IL2RB: variants seen among roughly 807,000 people sequenced by gnomAD.
IL2RB encodes interleukin-2 receptor subunit beta.
IL2RB carries 17 observed loss-of-function variants against 44.2 expected under a neutral mutation model. The observed-to-expected ratio is 0.38, with a 90% confidence interval of 0.26 to 0.58. The LOEUF (loss-of-function observed/expected upper bound fraction) is 0.58. Among genes scored for constraint, IL2RB ranks in the 20% least tolerant of loss-of-function variants. The pLI is 0.63. For synonymous variants in IL2RB, 286 were observed against 297.9 expected, an observed-to-expected ratio of 0.96 and a Z score of 0.41; for missense variants, 624 against 685.5, an observed-to-expected ratio of 0.91 and a Z score of 1.00.
At chr22:37,160,825 C>G (rs1331535989) in intron 1 of IL2RB, among the ~76,000 whole-genome samples, 1 of 151,622 alleles carries the variant, frequency 6.6e-6, no homozygotes, top group Non-Finnish European at 1.5e-5. Context: ...GACTGGGTGA[C>G]AGAGCGAGAC....
intron 9 of IL2RB, among the ~76,000 whole-genome samples, chr22:37,131,769 C>T (rs60646954): frequency 0.05 from 7,515 of 151,316 alleles, 622 homozygotes; most frequent in African/African-American, 0.17. Context: ...TGGAGTCTCA[C>T]TCTGTCGCCC....
At chr22:37,173,519 TCTACCTTA>T (rs2145745774) in intron 1 of IL2RB, among the ~76,000 whole-genome samples, 1 of 152,336 alleles carries the variant, frequency 6.6e-6, no homozygotes, top group Admixed American at 6.5e-5. Flanking sequence ...TAAGAAAGTG[TCTACCTTA>T]AAATAATTTT....
Position 37,128,544 on chromosome 22 carries a change from G to A in IL2RB, c.1208C>T (p.Ser403Phe). 2 of 1,613,664 alleles carry A rather than the reference G, an allele frequency of 1.2e-6. No individual in the cohort carries two copies. The highest frequency in any genetic ancestry group is 1.7e-6 in the Non-Finnish European group (2 of 1,179,688). The change falls in exon 10 of 10, where the codon TCT becomes TTT. Residue 403 changes from serine to phenylalanine, a missense_variant. By Grantham distance (155) the Ser-to-Phe change is radical. Around this residue, in one of 3 missense-constraint regions of IL2RB, gnomAD observed 291 missense variants for 275.5 expected, o/e 1.06. Transcript: ENST00000216223. This position sits in a 1 kb window ranked among gnomAD's most constrained non-coding sequence, Gnocchi z 4.5. Reference protein sequence around the residue: ...DEGVAGAPTGSSPQPLQPLSG... With the variant: ...DEGVAGAPTGFSPQPLQPLSG... Reference sequence around the variant, plus strand: ...CAGAGGCTGCAGGGGTTGGGGGGAAGACCCTGTGGGTGCCCCGGCCACACC... The same window carrying A: ...CAGAGGCTGCAGGGGTTGGGGGGAAAACCCTGTGGGTGCCCCGGCCACACC...
intron 9 of IL2RB, among the ~76,000 whole-genome samples, chr22:37,131,753 T>C (rs1384285849): frequency 2.0e-5 from 3 of 151,818 alleles, no homozygotes; most frequent in South Asian, 4.1e-4. Context: ...TTTTTTTTTT[T>C]TGAGATGGAG....
chr22:37,160,679 C>CAAAAAAAAAAAAAAAAAAAAAAAAAA (rs10605445), intron 1 of IL2RB, among the ~76,000 whole-genome samples: 4 of 136,038 alleles, frequency 2.9e-5, no homozygotes, highest in African/African-American at 1.2e-4. Flanking sequence ...CTGTCTATGC[C>CAAAAAAAAAAAAAAAAAAAAAAAAAA]AAAAAAAAAA....
At chr22:37,173,038 A>G (rs1316032821) in intron 1 of IL2RB, among the ~76,000 whole-genome samples, 1 of 152,126 alleles carries the variant, frequency 6.6e-6, no homozygotes, top group Non-Finnish European at 1.5e-5. Flanking sequence ...AAGATCGAAT[A>G]TCCCAGGTCC....
In IL2RB at chr22:37,141,190, C is replaced by T. The variant is rs1194985153; in HGVS notation, c.282+1244G>A. Among the ~76,000 whole-genome samples, 1 of 151,900 alleles carries T rather than the reference C, an allele frequency of 6.6e-6. No individual in the cohort carries two copies. The stretch of plus-strand genomic sequence containing the variant: ...TGGGCGCAGCTGCAGCCACCCAAGT[C>T]GTGGCCACAGAGCCAGGTGTCCCTG... On this transcript the variant is annotated intron_variant, in intron 4 of 9. Coordinates refer to ENST00000216223, the MANE Select transcript of IL2RB (RefSeq NM_000878.5). The surrounding 1 kb of genome is among the most constrained non-coding windows in gnomAD (Gnocchi z 4.4).
chr22:37,144,418 T>A (rs1451467836), intron 1 of IL2RB, among the ~76,000 whole-genome samples: 1 of 152,184 alleles, frequency 6.6e-6, no homozygotes, highest in Admixed American at 6.5e-5. Flanking sequence ...GCAGCCTCCT[T>A]TGAGAGGTCT....
chr22:37,149,405 C>T lies in IL2RB; in HGVS notation c.-34+420G>A, dbSNP rs532713752. Among the ~76,000 whole-genome samples the T allele has an allele frequency of 5.3e-5, 8 of 152,314 alleles. 1 individual carries two copies. Among genetic ancestry groups the T allele is most frequent in the Middle Eastern group, 6.8e-3 (2 of 294 alleles). On this transcript the variant is annotated intron_variant, in intron 1 of 9. Transcript: ENST00000216223. ...GCACGCAACACAGGGCTGCCTCCCC[C>T]GGTATATGGGCCCCACTCCACAGAG...
chr22:37,136,921 A>G (rs1486043298), intron 6 of IL2RB, among the ~76,000 whole-genome samples: 2 of 152,220 alleles, frequency 1.3e-5, no homozygotes, highest in Non-Finnish European at 2.9e-5. Context: ...CTGGACACCC[A>G]GGTGTCCAAG....
intron 5 of IL2RB, among the ~76,000 whole-genome samples, chr22:37,138,353 T>A (rs1393537342): frequency 2.6e-5 from 4 of 152,216 alleles, no homozygotes; most frequent in Non-Finnish European, 5.9e-5. Flanking sequence ...AGTTCAAAGA[T>A]GCCTTACAAG....
At chr22:37,168,680 A>G (rs1923160003) in intron 1 of IL2RB, among the ~76,000 whole-genome samples, 1 of 152,154 alleles carries the variant, frequency 6.6e-6, no homozygotes, top group African/African-American at 2.4e-5. Flanking sequence ...CTTCTCTGGG[A>G]GGATGGGGAT....
chr22:37,150,123 C>CAG (rs1922421007), upstream of IL2RB: 1 of 143,602 alleles, frequency 7.0e-6, no homozygotes, highest in Non-Finnish European at 1.6e-5. Flanking sequence ...CACACACACA[C>CAG]ACACACAGAC....
chr22:37,128,499 T>G lies in IL2RB; in HGVS notation c.1253A>C (p.Tyr418Ser). ...LQPLSGEDDA[Y>S]CTFPSRDDLL... ...GTCATCCCTGGAGGGGAAGGTGCAG[T>G]AGGCGTCGTCCTCCCCTGACAGAGG... Residue 418 changes from tyrosine to serine, a missense_variant, in exon 10 of 10, where the codon TAC becomes TCC. Tyr to Ser is a moderately radical substitution (Grantham distance 144). Around this residue, in one of 3 missense-constraint regions of IL2RB, gnomAD observed 291 missense variants for 275.5 expected, o/e 1.06. Coordinates refer to ENST00000216223, the MANE Select transcript of IL2RB (RefSeq NM_000878.5). The surrounding 1 kb of genome is among the most constrained non-coding windows in gnomAD (Gnocchi z 4.5). 1 of 1,608,022 alleles carries G rather than the reference T, an allele frequency of 6.2e-7. No homozygotes were observed. The highest frequency in any genetic ancestry group is 8.5e-7 in the Non-Finnish European group (1 of 1,175,868).
At chr22:37,143,963 G>T in intron 2 of IL2RB, 122 bp downstream of exon 2, 1 of 1,336,308 alleles carries the variant, frequency 7.5e-7, no homozygotes, top group Non-Finnish European at 1.0e-6. Context: ...CCAGGACAGA[G>T]GGTGAGGCAG....
chr22:37,129,000 C>A lies in IL2RB; in HGVS notation c.904-152G>T, dbSNP rs911781217. The A allele has an allele frequency of 1.0e-6, 1 of 963,018 alleles. No individual in the cohort carries two copies. Among genetic ancestry groups the A allele is most frequent in the Non-Finnish European group, 1.5e-6 (1 of 669,920 alleles). 59.7% of individuals were successfully genotyped at this position (963,018 alleles called of 1,614,324 possible). A position where few individuals can be genotyped will look rare whatever the true frequency, so the allele number is the denominator to read the frequency against. ...AGGAAGCTCTCCCTGATTATAGCCC[C>A]GCACTCCCCCAACCCACCCACTGGC... is the stretch of plus-strand genomic sequence containing the variant. On this transcript the variant is annotated intron_variant, in intron 9 of 9. Coordinates refer to ENST00000216223, the MANE Select transcript of IL2RB (RefSeq NM_000878.5). This position sits in a 1 kb window ranked among gnomAD's most constrained non-coding sequence, Gnocchi z 4.5.
intron 1 of IL2RB, among the ~76,000 whole-genome samples, chr22:37,148,951 T>C (rs1274228290): frequency 1.3e-5 from 2 of 152,046 alleles, no homozygotes; most frequent in Non-Finnish European, 2.9e-5. Flanking sequence ...TCTGGCCACC[T>C]CCACCTGCCA....
chr22:37,128,051 C>G lies in IL2RB; in HGVS notation c.*45G>C, dbSNP rs745463802. The G allele has an allele frequency of 5.5e-6, 8 of 1,444,752 alleles. No homozygotes were observed. Among genetic ancestry groups the G allele is most frequent in the Non-Finnish European group, 7.3e-6 (8 of 1,097,846 alleles). 89.5% of individuals were successfully genotyped at this position (1,444,752 alleles called of 1,614,324 possible). A position where few individuals can be genotyped will look rare whatever the true frequency, so the allele number is the denominator to read the frequency against. ...CCCTCAACAGGGTCCTTCTGAGGCT[C>G]GGCGCAGAGCAGGCAGCTGCCTGCC... On this transcript the variant is annotated 3_prime_UTR_variant, in exon 10 of 10. Coordinates refer to ENST00000216223, the MANE Select transcript of IL2RB (RefSeq NM_000878.5). This position sits in a 1 kb window ranked among gnomAD's most constrained non-coding sequence, Gnocchi z 4.5.
intron 1 of IL2RB, among the ~76,000 whole-genome samples, chr22:37,157,878 G>A (rs923888947): frequency 3.9e-5 from 6 of 152,212 alleles, no homozygotes; most frequent in Non-Finnish European, 7.3e-5. Flanking sequence ...AAAAGGAAAA[G>A]AGAAAGAATC....
Sources: gnomAD v4.1 joint callset for allele counts (sites outside exome capture counted in the v4.1 genomes callset) on GRCh38, gnomAD v4.1.1 for gene constraint, gnomAD v4.1.1 regional missense constraint, Gnocchi (gnomAD v3.1) non-coding constraint, MANE v1.5 for transcripts, NCBI Gene and HGNC (gene_info 2026-07-23, HGNC 2026-07-21) for gene names.